ATRNL1: variants seen among roughly 807,000 people sequenced by gnomAD.
ATRNL1 encodes attractin-like protein 1.
ATRNL1 carries 95 observed loss-of-function variants against 182.7 expected under a neutral mutation model. That is an observed-to-expected ratio of 0.52 (90% CI 0.44 to 0.62). The LOEUF (loss-of-function observed/expected upper bound fraction) is 0.62, where lower values mean the gene tolerates loss of function less well. Among genes scored for constraint, ATRNL1 ranks in the 20% least tolerant of loss-of-function variants. ATRNL1 has a pLI of 0.00. For missense variants in ATRNL1, 1,471 were observed against 1,679.5 expected (o/e 0.88, Z 2.17); for synonymous variants, 576 against 568.3 (o/e 1.01, Z -0.19).
intron 28 of ATRNL1, among the ~76,000 whole-genome samples, chr10:115,856,831 G>A (rs1243100660): frequency 1.3e-5 from 2 of 152,108 alleles, no homozygotes; most frequent in Non-Finnish European, 2.9e-5. Context: ...GTGAGGCCCG[G>A]TTCTCAATAG....
chr10:115,816,541 C>A (rs1405410023), intron 27 of ATRNL1, among the ~76,000 whole-genome samples: 1 of 152,004 alleles, frequency 6.6e-6, no homozygotes, highest in African/African-American at 2.4e-5. Context: ...CAGGGACAGA[C>A]ACATACATAT....
intron 8 of ATRNL1, among the ~76,000 whole-genome samples, chr10:115,174,812 G>T (rs1199751596): frequency 3.3e-5 from 5 of 151,888 alleles, no homozygotes; most frequent in African/African-American, 1.2e-4. Context: ...TATGCTTCTA[G>T]GGCCCTAGTA....
intron 20 of ATRNL1, among the ~76,000 whole-genome samples, chr10:115,421,331 A>C (rs1375578919): frequency 2.0e-5 from 3 of 152,234 alleles, no homozygotes; most frequent in Non-Finnish European, 4.4e-5. Flanking sequence ...ACAACATATT[A>C]TAAGGTCATT....
chr10:115,585,426 C>T (rs1410838087), intron 26 of ATRNL1, among the ~76,000 whole-genome samples: 1 of 126,328 alleles, frequency 7.9e-6, no homozygotes, highest in South Asian at 2.6e-4. Flanking sequence ...TATGAATCTG[C>T]GTGCTCCTGT....
chr10:115,178,957 A>C (rs2144145157), intron 8 of ATRNL1, among the ~76,000 whole-genome samples: 1 of 152,130 alleles, frequency 6.6e-6, no homozygotes, highest in Middle Eastern at 3.4e-3. Context: ...TTTTCTAAGA[A>C]GTTTTAGAGG....
intron 27 of ATRNL1, among the ~76,000 whole-genome samples, chr10:115,800,956 T>A (rs1383448235): frequency 1.3e-5 from 2 of 152,214 alleles, no homozygotes; most frequent in Non-Finnish European, 2.9e-5. Flanking sequence ...CTGTAACTTG[T>A]TATTCTCTAA....
chr10:115,476,859 A>G (rs557683178), intron 24 of ATRNL1, among the ~76,000 whole-genome samples: 41 of 151,492 alleles, frequency 2.7e-4, no homozygotes, highest in Admixed American at 2.1e-3. Context: ...TACAACTGGC[A>G]TATTCTTTAA....
intron 28 of ATRNL1, among the ~76,000 whole-genome samples, chr10:115,859,547 T>A (rs1330243524): frequency 6.6e-6 from 1 of 151,826 alleles, no homozygotes; most frequent in Admixed American, 6.6e-5. Flanking sequence ...CTTGAGAAAA[T>A]ATGTAAAGGC....
At chr10:115,772,850 A>G (rs1949029981) in intron 27 of ATRNL1, among the ~76,000 whole-genome samples, 1 of 152,148 alleles carries the variant, frequency 6.6e-6, no homozygotes. Context: ...GACCTGCATG[A>G]TTCAGCTGTA....
At chr10:115,624,616 A>G (rs1857977147) in intron 26 of ATRNL1, among the ~76,000 whole-genome samples, 1 of 152,110 alleles carries the variant, frequency 6.6e-6, no homozygotes, top group African/African-American at 2.4e-5. Flanking sequence ...CAGTGTCATC[A>G]CCTTGGTATT....
intron 24 of ATRNL1, among the ~76,000 whole-genome samples, chr10:115,485,874 G>A (rs1032652348): frequency 7.2e-5 from 11 of 151,772 alleles, no homozygotes; most frequent in African/African-American, 1.2e-4. Flanking sequence ...GGTATTTCTC[G>A]TAACGCTATC....
At chr10:115,221,475 T>C (rs1345782687) in intron 9 of ATRNL1, among the ~76,000 whole-genome samples, 2 of 152,192 alleles carry the variant, frequency 1.3e-5, no homozygotes, top group African/African-American at 4.8e-5. Flanking sequence ...ATGAATTCTT[T>C]TGGACTGTTA....
chr10:115,802,810 A>G (rs1205789417), intron 27 of ATRNL1, among the ~76,000 whole-genome samples: 1 of 152,202 alleles, frequency 6.6e-6, no homozygotes, highest in Non-Finnish European at 1.5e-5. Flanking sequence ...TAAATCAGCA[A>G]ATCAGATAAA....
chr10:115,630,749 G>A (rs1235924489), intron 26 of ATRNL1, among the ~76,000 whole-genome samples: 1 of 143,302 alleles, frequency 7.0e-6, no homozygotes, highest in Admixed American at 7.1e-5. Flanking sequence ...CTATATTTAA[G>A]ATATATATTT....
intron 13 of ATRNL1, among the ~76,000 whole-genome samples, chr10:115,276,389 T>C (rs1285109561): frequency 6.6e-6 from 1 of 152,170 alleles, no homozygotes; most frequent in African/African-American, 2.4e-5. Flanking sequence ...ATCTTAAAAA[T>C]TGTATTATGT....
At chr10:115,396,212 A>G (rs1266311169) in intron 20 of ATRNL1, among the ~76,000 whole-genome samples, 1 of 151,960 alleles carries the variant, frequency 6.6e-6, no homozygotes, top group Non-Finnish European at 1.5e-5. Flanking sequence ...CTGAAGTTAA[A>G]TACAAGTTCA....
intron 25 of ATRNL1, among the ~76,000 whole-genome samples, chr10:115,544,102 AAGC>A (rs1221525229): frequency 6.6e-6 from 1 of 152,200 alleles, no homozygotes; most frequent in South Asian, 2.1e-4. Context: ...ACCTGAAAGA[AAGC>A]AGTAGATACT....
At chr10:115,157,589 G>A (rs782644707) in intron 5 of ATRNL1, among the ~76,000 whole-genome samples, 10 of 151,872 alleles carry the variant, frequency 6.6e-5, no homozygotes, top group Non-Finnish European at 1.0e-4. Context: ...CTTCAGATCC[G>A]GGACTGCAGC....
chr10:115,379,849 C>T lies in ATRNL1; in HGVS notation c.3176-14810C>T, dbSNP rs536872530. Reference sequence around the variant, plus strand: ...CTTTATACCTTTTTTTCTTTTGAGACGGAGTCTTGCTCTGTGGCCCAGGCT... The same window carrying T: ...CTTTATACCTTTTTTTCTTTTGAGATGGAGTCTTGCTCTGTGGCCCAGGCT... On this transcript the variant is annotated intron_variant, in intron 19 of 28. Coordinates refer to ENST00000355044, the MANE Select transcript of ATRNL1 (RefSeq NM_207303.4). 1.4e-4 allele frequency among the ~76,000 whole-genome samples: 21 copies of T among 152,186 alleles called. No individual in the cohort carries two copies. In the South Asian group the frequency reaches 3.7e-3, roughly 27 times the overall value.
Sources: allele counts gnomAD v4.1 joint callset (sites outside exome capture counted in the v4.1 genomes callset), GRCh38; gene constraint gnomAD v4.1.1; transcripts MANE v1.5; gene names NCBI Gene and HGNC (gene_info 2026-07-23, HGNC 2026-07-21).